GADL1: variants seen among roughly 807,000 people sequenced by gnomAD.
GADL1 encodes the protein GAD like acidic amino acid decarboxylase 1.
GADL1 carries 71 observed loss-of-function variants against 69.5 expected under a neutral mutation model. The ratio of observed to expected loss-of-function variants is 1.02; its 90% CI spans 0.84 to 1.25. The LOEUF (loss-of-function observed/expected upper bound fraction) is 1.25. Ranked by LOEUF, GADL1 falls within the 50% of genes most tolerant of loss-of-function variation. The pLI, the probability that GADL1 is intolerant of heterozygous loss-of-function variation, is 0.00. For synonymous variants in GADL1, 254 were observed against 214.4 expected (o/e 1.18, Z -1.62); for missense variants, 737 against 631.8 (o/e 1.17, Z -1.79).
At chr3:30,759,607 C>T (rs1359781999) in intron 14 of GADL1, among the ~76,000 whole-genome samples, 1 of 149,966 alleles carries the variant, frequency 6.7e-6, no homozygotes. Flanking sequence ...GGTTTTATTC[C>T]ACATTTTGTA....
At chr3:30,858,262 T>C (rs1466989329) in intron 2 of GADL1, among the ~76,000 whole-genome samples, 2 of 152,058 alleles carry the variant, frequency 1.3e-5, no homozygotes, top group African/African-American at 4.8e-5. Flanking sequence ...GCTCAGATCA[T>C]AATGGGCTTT....
chr3:30,804,574 C>CT (rs1386367647), intron 11 of GADL1, among the ~76,000 whole-genome samples: 2 of 143,652 alleles, frequency 1.4e-5, no homozygotes, highest in Non-Finnish European at 3.0e-5. Flanking sequence ...TCTTACTTAT[C>CT]TGACTATTCT....
At chr3:30,781,049 T>A (rs1160754882) in intron 13 of GADL1, among the ~76,000 whole-genome samples, 7 of 152,212 alleles carry the variant, frequency 4.6e-5, no homozygotes, top group Admixed American at 3.9e-4. Context: ...AAGTCTGACT[T>A]CTTGGGTGTC....
At chr3:30,806,728 G>C (rs1352794965) in intron 11 of GADL1, among the ~76,000 whole-genome samples, 1 of 152,188 alleles carries the variant, frequency 6.6e-6, no homozygotes, top group African/African-American at 2.4e-5. Flanking sequence ...GAAGCTGAGA[G>C]CTGAAAAGTG....
intron 12 of GADL1, chr3:30,798,327 C>T (rs1321684095): frequency 1.3e-5 from 2 of 152,728 alleles, no homozygotes; most frequent in African/African-American, 4.8e-5. Context: ...CCACAGTTCC[C>T]TGAGGCTGGA....
intron 14 of GADL1, among the ~76,000 whole-genome samples, chr3:30,733,706 C>CT (rs1254618445): frequency 1.3e-5 from 2 of 149,182 alleles, no homozygotes; most frequent in African/African-American, 4.9e-5. Flanking sequence ...TTCTTTCTTT[C>CT]TTTTTTTGTA....
At chr3:30,812,471 A>C (rs999371873) in intron 11 of GADL1, among the ~76,000 whole-genome samples, 5 of 152,164 alleles carry the variant, frequency 3.3e-5, no homozygotes, top group Non-Finnish European at 7.4e-5. Context: ...TTGTGCAGGG[A>C]AACTCCCCTT....
chr3:30,753,254 C>T (rs1455346230), intron 14 of GADL1, among the ~76,000 whole-genome samples: 5 of 152,204 alleles, frequency 3.3e-5, no homozygotes, highest in Admixed American at 6.5e-5. Flanking sequence ...TTCCAATCTA[C>T]GTTACATGAT....
At chr3:30,816,134 G>C (rs1697464879) in intron 11 of GADL1, among the ~76,000 whole-genome samples, 1 of 152,144 alleles carries the variant, frequency 6.6e-6, no homozygotes, top group Admixed American at 6.6e-5. Context: ...TTTCAGTATA[G>C]ATGAGAGGCT....
Position 30,861,694 on chromosome 3 carries a change from C to G in GADL1, c.109G>C (p.Gly37Arg). The change falls in exon 2 of 15, where the codon GGT becomes CGT. Residue 37 changes from glycine to arginine, a missense_variant. Physicochemically the swap from Gly to Arg is moderately radical, Grantham distance 125 (BLOSUM62 -2). Transcript: ENST00000282538. ...CCAGCTTTTGCATCTGTTGTAGGAC[C>G]ATTCAGCACAACCCCATCCACAAGA... The part of the protein sequence containing the change: ...AVLVDGVVLN[G>R]PTTDAKAGEK... 2 of 1,549,590 alleles carry G rather than the reference C, an allele frequency of 1.3e-6. No individual in the cohort carries two copies. The highest frequency in any genetic ancestry group is 1.4e-5 in the African/African-American group (1 of 73,038).
chr3:30,862,413 T>A lies in GADL1; in HGVS notation c.38-648A>T, dbSNP rs1697671439. On this transcript the variant is annotated intron_variant, in intron 1 of 14. Transcript: ENST00000282538. ...TTAAAATATAAATAATACAATATCATACAATAGTGGTTTTAACTTTCAGAA... is the reference window on the plus strand; with the variant it reads ...TTAAAATATAAATAATACAATATCAAACAATAGTGGTTTTAACTTTCAGAA... Among the ~76,000 whole-genome samples, 3 of 151,994 alleles carry A rather than the reference T, an allele frequency of 2.0e-5. No individual in the cohort carries two copies. In the South Asian group the frequency reaches 6.2e-4, roughly 31 times the overall value.
chr3:30,807,607 A>C (rs1697277161), intron 11 of GADL1, among the ~76,000 whole-genome samples: 1 of 152,210 alleles, frequency 6.6e-6, no homozygotes, highest in East Asian at 1.9e-4. Context: ...GGTGGACTTG[A>C]GAGCTAAGGA....
rs139649743 is a variant in GADL1 at position 30,888,999 on chromosome 3, G to A, written c.37+5579C>T. ...AGTTTACTCATTCATACCTCTATTCGCAAATGTTAATTTAAAAACAGAGAA... is the reference window on the plus strand; with the variant it reads ...AGTTTACTCATTCATACCTCTATTCACAAATGTTAATTTAAAAACAGAGAA... On this transcript the variant is annotated intron_variant, in intron 1 of 14. Transcript: ENST00000282538. Among the ~76,000 whole-genome samples, 216 of 139,310 alleles carry A rather than the reference G, an allele frequency of 1.6e-3. 2 individuals are homozygous for A. Among genetic ancestry groups the A allele is most frequent in the African/African-American group, 5.4e-3 (200 of 37,166 alleles). The allele number at this position is 139,310 out of a possible 152,430, so 91.4% of individuals were successfully genotyped here. A position where few individuals can be genotyped will look rare whatever the true frequency, so the allele number is the denominator to read the frequency against.
At chr3:30,741,162 G>C (rs1354559300) in intron 14 of GADL1, among the ~76,000 whole-genome samples, 1 of 137,232 alleles carries the variant, frequency 7.3e-6, no homozygotes, top group Non-Finnish European at 1.5e-5. Flanking sequence ...TGGTTTGTTT[G>C]TATAAATATT....
At chr3:30,760,809 G>A (rs975116401) in intron 14 of GADL1, among the ~76,000 whole-genome samples, 3 of 152,062 alleles carry the variant, frequency 2.0e-5, no homozygotes, top group African/African-American at 7.2e-5. Flanking sequence ...CTTCAGGTGG[G>A]GGCAGGGTGA....
At chr3:30,784,303 T>C (rs1037205765) in intron 13 of GADL1, among the ~76,000 whole-genome samples, 1 of 152,186 alleles carries the variant, frequency 6.6e-6, no homozygotes, top group Non-Finnish European at 1.5e-5. Context: ...ATGCCTTATT[T>C]GGTTATGCCT....
At chr3:30,827,408 G>A (rs1697699323) in intron 11 of GADL1, among the ~76,000 whole-genome samples, 2 of 151,358 alleles carry the variant, frequency 1.3e-5, no homozygotes, top group Non-Finnish European at 3.0e-5. Context: ...ATCTCTTGGG[G>A]CCACAGTCAG....
intron 11 of GADL1, among the ~76,000 whole-genome samples, chr3:30,820,718 TTGG>T (rs1697560328): frequency 6.6e-6 from 1 of 152,072 alleles, no homozygotes; most frequent in Admixed American, 6.6e-5. Flanking sequence ...TTTTACACTG[TTGG>T]TGGGACTGTA....
intron 1 of GADL1, among the ~76,000 whole-genome samples, chr3:30,883,570 G>C (rs1323160703): frequency 2.0e-5 from 3 of 151,956 alleles, no homozygotes; most frequent in Admixed American, 1.3e-4. Context: ...TTTCAAATCA[G>C]AATGTGTGAG....
Sources: allele counts gnomAD v4.1 joint callset (sites outside exome capture counted in the v4.1 genomes callset), GRCh38; gene constraint gnomAD v4.1.1; transcripts MANE v1.5; gene names NCBI Gene and HGNC (gene_info 2026-07-23, HGNC 2026-07-21).